Variants in PGBD2 observed in about 807,000 individuals in gnomAD.
PGBD2 encodes the protein piggyBac transposable element derived 2.
PGBD2 carries 6 observed loss-of-function variants against 8.1 expected under a neutral mutation model. That is an observed-to-expected ratio of 0.74 (90% CI 0.40 to 1.46). The LOEUF is 1.46. Ranked by LOEUF, PGBD2 falls within the 40% of genes most tolerant of loss-of-function variation. The probability of loss-of-function intolerance (pLI) is 0.02; values close to 1 mark genes in which losing one functional copy is unlikely to be tolerated. For missense variants in PGBD2, 802 were observed against 739.0 expected (o/e 1.09, Z -0.99); for synonymous variants, 318 against 272.2 (o/e 1.17, Z -1.66).
At chr1:248,907,120 A>C (rs1450039180) in intron 1 of PGBD2, among the ~76,000 whole-genome samples, 1 of 152,202 alleles carries the variant, frequency 6.6e-6, no homozygotes, top group South Asian at 2.1e-4. Flanking sequence ...TTATCTCAGC[A>C]AGAGGAATGC....
the PGBD2 span, among the ~76,000 whole-genome samples, chr1:248,929,562 G>A: frequency 6.6e-6 from 1 of 152,182 alleles, no homozygotes; most frequent in East Asian, 1.9e-4. Context: ...GTCTCCCCTT[G>A]TGTTAGGCAA....
At chr1:248,929,303 A>T in the PGBD2 span, among the ~76,000 whole-genome samples, 1 of 152,070 alleles carries the variant, frequency 6.6e-6, no homozygotes, top group Non-Finnish European at 1.5e-5. Flanking sequence ...TTTTCTTGCA[A>T]TCCGGGTGGA....
intron 1 of PGBD2, among the ~76,000 whole-genome samples, chr1:248,910,517 C>G (rs955836309): frequency 1.3e-5 from 2 of 152,206 alleles, no homozygotes; most frequent in African/African-American, 4.8e-5. Flanking sequence ...TGGTAAGTGA[C>G]TTTCCAAAAT....
downstream of PGBD2, among the ~76,000 whole-genome samples, chr1:248,922,498 A>G (rs1258605190): frequency 2.6e-5 from 4 of 152,168 alleles, no homozygotes; most frequent in African/African-American, 9.7e-5. Context: ...ACTGTGTTGA[A>G]TAGGAGTGGC....
At chr1:248,928,029 G>A in the PGBD2 span, among the ~76,000 whole-genome samples, 3 of 152,128 alleles carry the variant, frequency 2.0e-5, no homozygotes, top group Non-Finnish European at 4.4e-5. Flanking sequence ...ACAACCCAGG[G>A]TGTTTCGACT....
chr1:248,916,590 C>T lies in PGBD2; in HGVS notation c.18-12C>T, dbSNP rs772572797. ...CATGGCCTCTTCCTGATTCTGTTTCCTGTCATAACAGAGATGTCATTGCTG... is the reference window on the plus strand; with the variant it reads ...CATGGCCTCTTCCTGATTCTGTTTCTTGTCATAACAGAGATGTCATTGCTG... On this transcript the variant is annotated splice_polypyrimidine_tract_variant and intron_variant, in intron 2 of 2. Coordinates refer to ENST00000329291, the MANE Select transcript of PGBD2 (RefSeq NM_170725.3). 8.1e-6 allele frequency: 13 copies of T among 1,611,120 alleles called. No homozygotes were observed. The highest frequency in any genetic ancestry group is 1.1e-5 in the Non-Finnish European group (13 of 1,177,860).
At chr1:248,904,689 T>C (rs915557884), upstream of PGBD2, among the ~76,000 whole-genome samples, 16 of 152,214 alleles carry the variant, frequency 1.1e-4, no homozygotes, top group African/African-American at 3.9e-4. Context: ...TCAAATATTT[T>C]CCCCCTTGAA....
chr1:248,884,375 C>G, the PGBD2 span, among the ~76,000 whole-genome samples: 2 of 151,522 alleles, frequency 1.3e-5, no homozygotes, highest in Non-Finnish European at 2.9e-5. Context: ...GAGTCTCGCT[C>G]TGTAGCCCAG....
chr1:248,911,417 A>G (rs1041170906), intron 1 of PGBD2, among the ~76,000 whole-genome samples: 1 of 150,086 alleles, frequency 6.7e-6, no homozygotes, highest in Non-Finnish European at 1.5e-5. Context: ...CATGTTTCAG[A>G]GAGCACAGGG....
At chr1:248,911,221 T>G (rs573710955) in intron 1 of PGBD2, among the ~76,000 whole-genome samples, 6 of 150,368 alleles carry the variant, frequency 4.0e-5, no homozygotes, top group Admixed American at 2.0e-4. Context: ...CAGATAAACA[T>G]GTGAACAAGG....
the PGBD2 span, among the ~76,000 whole-genome samples, chr1:248,886,466 G>A: frequency 2.6e-5 from 4 of 152,206 alleles, no homozygotes; most frequent in Non-Finnish European, 5.9e-5. Context: ...CCATCTGAAA[G>A]ATTGATCTGT....
At position 248,910,062 on chromosome 1, in the gene PGBD2, T is replaced by C. The variant is rs566997302; in HGVS notation, c.-48+3720T>C. ...AGTGGAGGAAAAGGTGGTAAACTGC[T>C]GAGAGGTGAAGCAACTGTGACATGG... is the stretch of plus-strand genomic sequence containing the variant. On this transcript the variant is annotated intron_variant, in intron 1 of 2. Transcript: ENST00000329291. Among the ~76,000 whole-genome samples the C allele has an allele frequency of 3.3e-5, 5 of 152,314 alleles. No homozygotes were observed. The East Asian group carries it at 9.7e-4, about 29-fold the overall frequency.
At chr1:248,875,324 A>G in the PGBD2 span, among the ~76,000 whole-genome samples, 250 of 149,444 alleles carry the variant, frequency 1.7e-3, 1 homozygote, top group African/African-American at 4.8e-3. Flanking sequence ...AAAAAAAAAA[A>G]AAAAGAAAAG....
At chr1:248,885,679 A>G in the PGBD2 span, among the ~76,000 whole-genome samples, 28 of 152,296 alleles carry the variant, frequency 1.8e-4, no homozygotes, top group South Asian at 5.0e-3. Flanking sequence ...TAACAGTTCT[A>G]TAACCCCCAC....
rs1342116143 is a variant in PGBD2 at position 248,917,779 on chromosome 1, G to C, written c.1195G>C (p.Asp399His). 1.2e-6 allele frequency: 2 copies of C among 1,614,086 alleles called. No individual in the cohort carries two copies. Among genetic ancestry groups the C allele is most frequent in the African/African-American group, 2.7e-5 (2 of 74,930 alleles). The change falls in exon 3 of 3, where the codon GAT becomes CAT. Residue 399 changes from aspartate (D) to histidine (H), a missense_variant. Asp to His is a moderately conservative substitution (Grantham distance 81). Transcript: ENST00000329291. ...GAAAAAAATGAAGAGGGGTTCATTT[G>C]ATTACAAAGTCGATGAGAGTGAGGA... ...ELKKMKRGSF[D>H]YKVDESEEII...
At chr1:248,897,273 T>A in the PGBD2 span, among the ~76,000 whole-genome samples, 3 of 150,250 alleles carry the variant, frequency 2.0e-5, no homozygotes, top group Non-Finnish European at 4.4e-5. Flanking sequence ...AAGAAAGTTC[T>A]AAGTTGCTAG....
the PGBD2 span, among the ~76,000 whole-genome samples, chr1:248,887,746 C>G: frequency 2.0e-5 from 3 of 152,078 alleles, no homozygotes; most frequent in Admixed American, 2.0e-4. Context: ...AAAGTGATTG[C>G]GATTTTTGCC....
intron 1 of PGBD2, among the ~76,000 whole-genome samples, chr1:248,911,691 G>A (rs1308403332): frequency 6.7e-6 from 1 of 149,212 alleles, no homozygotes; most frequent in African/African-American, 2.6e-5. Context: ...CCCAGTAGGG[G>A]CGGCTGGGCA....
the PGBD2 span, among the ~76,000 whole-genome samples, chr1:248,929,521 G>A: frequency 6.6e-6 from 1 of 152,178 alleles, no homozygotes; most frequent in Non-Finnish European, 1.5e-5. Context: ...AAAAGAAGTA[G>A]GTGAGCAATT....
Sources: gnomAD v4.1 joint callset for allele counts (sites outside exome capture counted in the v4.1 genomes callset) on GRCh38, gnomAD v4.1.1 for gene constraint, MANE v1.5 for transcripts, NCBI Gene and HGNC (gene_info 2026-07-23, HGNC 2026-07-21) for gene names.